Variants in EZH2 observed in about 807,000 individuals in gnomAD.
The protein encoded by EZH2 is histone-lysine N-methyltransferase EZH2.
A neutral mutation model predicts 98.4 loss-of-function variants in EZH2; 18 were observed. The ratio of observed to expected loss-of-function variants is 0.18; its 90% CI spans 0.13 to 0.27. The LOEUF (loss-of-function observed/expected upper bound fraction) is 0.27. EZH2 is among the 10% of genes least tolerant of loss of function. EZH2 has a pLI of 1.00. For synonymous variants in EZH2, 338 were observed against 312.3 expected, an observed-to-expected ratio of 1.08 and a Z score of -0.87; for missense variants, 470 against 935.1, an observed-to-expected ratio of 0.50 and a Z score of 6.49.
intron 10 of EZH2, chr7:148,817,611 G>A: frequency 1.5e-6 from 1 of 661,366 alleles, no homozygotes; most frequent in Non-Finnish European, 2.5e-6. Context: ...CCCTACCTGA[G>A]AAAGATCGAA....
chr7:148,878,111 T>A (rs1454894020), intron 1 of EZH2, among the ~76,000 whole-genome samples: 1 of 152,236 alleles, frequency 6.6e-6, no homozygotes, highest in African/African-American at 2.4e-5. Flanking sequence ...TAGATACAGA[T>A]ACATATCGTG....
At chr7:148,883,837 C>A (rs1821395966) in intron 1 of EZH2, among the ~76,000 whole-genome samples, 1 of 151,888 alleles carries the variant, frequency 6.6e-6, no homozygotes, top group Admixed American at 6.5e-5. Flanking sequence ...ACCGGAACGC[C>A]CCGACCCCGG....
Position 148,856,441 on chromosome 7 carries a change from AG to A in EZH2, c.-7-9137del, listed in dbSNP as rs1816850320. 1.3e-5 allele frequency among the ~76,000 whole-genome samples: 2 copies of A among 152,250 alleles called. 1 individual carries two copies. Among genetic ancestry groups the A allele is most frequent in the South Asian group, 4.1e-4 (2 of 4,832 alleles). On this transcript the variant is annotated intron_variant, in intron 1 of 19. Coordinates refer to ENST00000320356, the MANE Select transcript of EZH2 (RefSeq NM_004456.5). ...GAAACGTAGGTATGTATGCACATGCAGGTTAGCTGAAATACCTGCATTTCCA... is the reference window on the plus strand; with the variant it reads ...GAAACGTAGGTATGTATGCACATGCAGTTAGCTGAAATACCTGCATTTCCA...
rs776089060 is a variant in EZH2 at position 148,834,350 on chromosome 7, TATACAC to T, written c.247-1606_247-1601del. On this transcript the variant is annotated intron_variant, in intron 3 of 19. Coordinates refer to ENST00000320356, the MANE Select transcript of EZH2 (RefSeq NM_004456.5). ...ACTGAAAAATCATTATATATATATA[TATACAC>T]ACACACACACACACACACACACACA... Among the ~76,000 whole-genome samples the T allele has an allele frequency of 2.3e-3, 190 of 82,022 alleles. 2 individuals carry two copies. Among genetic ancestry groups the T allele is most frequent in the African/African-American group, 8.5e-3 (103 of 12,148 alleles). The allele number at this position is 82,022 out of a possible 152,430, so 53.8% of individuals were successfully genotyped here.
intron 1 of EZH2, among the ~76,000 whole-genome samples, chr7:148,851,376 C>G (rs1359352385): frequency 1.3e-5 from 2 of 152,064 alleles, no homozygotes; most frequent in African/African-American, 4.8e-5. Context: ...ATCCATAAAA[C>G]CTACCTCAAA....
chr7:148,813,602 A>G (rs896201670), intron 15 of EZH2, among the ~76,000 whole-genome samples: 1 of 151,748 alleles, frequency 6.6e-6, no homozygotes, highest in Non-Finnish European at 1.5e-5. Flanking sequence ...TTTGATAGAA[A>G]TCACCATTTA....
At chr7:148,836,406 A>G (rs1457549340) in intron 3 of EZH2, among the ~76,000 whole-genome samples, 1 of 152,216 alleles carries the variant, frequency 6.6e-6, no homozygotes, top group African/African-American at 2.4e-5. Flanking sequence ...TGGTGAAAAC[A>G]AACGTGGGAT....
At chr7:148,867,725 T>G (rs1044254338) in intron 1 of EZH2, among the ~76,000 whole-genome samples, 4 of 152,204 alleles carry the variant, frequency 2.6e-5, no homozygotes, top group Admixed American at 2.0e-4. Flanking sequence ...TTTCTAAACT[T>G]TTATGTTCTG....
In EZH2 at chr7:148,819,631, T is replaced by C; in HGVS notation, c.964A>G (p.Asn322Asp). 6.2e-7 allele frequency: 1 copy of C among 1,614,154 alleles called. No individual in the cohort carries two copies. ...KRKNTETALD[N>D]KPCGPQCYQH... ...TAACACTGTGGTCCACAAGGTTTGT[T>C]GTCTAGAGCTGTTTCTGTGTTCTTC... is the stretch of plus-strand genomic sequence containing the variant. The change falls in exon 9 of 20, where the codon AAC (asparagine) becomes GAC (aspartate). Residue 322 changes from asparagine to aspartate, a missense_variant. Coordinates refer to ENST00000320356, the MANE Select transcript of EZH2 (RefSeq NM_004456.5).
chr7:148,815,178 T>C, intron 13 of EZH2, 139 bp from the exon 14 acceptor site: 1 of 1,150,784 alleles, frequency 8.7e-7, no homozygotes, highest in South Asian at 1.6e-5. Context: ...ACATTACACA[T>C]ATTCCGGTTT....
intron 3 of EZH2, among the ~76,000 whole-genome samples, chr7:148,843,598 T>G (rs1004503968): frequency 5.1e-4 from 58 of 113,666 alleles, no homozygotes; most frequent in African/African-American, 1.9e-3. Flanking sequence ...TTTTTTTTTT[T>G]TTTTTTTTTT....
chr7:148,866,079 T>C (rs950979875), intron 1 of EZH2, among the ~76,000 whole-genome samples: 4 of 152,114 alleles, frequency 2.6e-5, no homozygotes, highest in African/African-American at 4.8e-5. Flanking sequence ...TAGGGAAAGA[T>C]AGAGGTAAAC....
At chr7:148,819,239 G>C (rs376660700) in intron 9 of EZH2, among the ~76,000 whole-genome samples, 15 of 152,116 alleles carry the variant, frequency 9.9e-5, no homozygotes, top group African/African-American at 3.4e-4. Flanking sequence ...ATATGGCTAT[G>C]AGAGGGGCTT....
intron 1 of EZH2, 36 bp from the exon 2 acceptor site, chr7:148,847,341 T>C: frequency 1.9e-6 from 3 of 1,609,368 alleles, no homozygotes; most frequent in Non-Finnish European, 2.5e-6. Context: ...ATCACTAATC[T>C]AACCAGCCTG....
rs1292037761 is a variant in EZH2 at position 148,817,937 on chromosome 7, C to A, written c.1180G>T (p.Gly394Trp). The stretch of plus-strand genomic sequence containing the variant: ...TCTTCTTTATCATTGTTCTCTCCCC[C>A]CGTTTCAGTCCCTGCTTCCCTATCA... Reference protein sequence around the residue: ...DSDREAGTETGGENNDKEEEE... With the variant: ...DSDREAGTETWGENNDKEEEE... Residue 394 changes from glycine to tryptophan, a missense_variant, in exon 10 of 20, where the codon GGG becomes TGG. Around this residue, in one of 6 missense-constraint regions of EZH2, gnomAD observed 192 missense variants for 306.8 expected, o/e 0.63. Coordinates refer to ENST00000320356, the MANE Select transcript of EZH2 (RefSeq NM_004456.5). 1 of 1,614,174 alleles carries A rather than the reference C, an allele frequency of 6.2e-7. No homozygotes were observed. Among genetic ancestry groups the A allele is most frequent in the East Asian group, 2.2e-5 (1 of 44,892 alleles).
At chr7:148,836,277 T>C (rs1391592271) in intron 3 of EZH2, among the ~76,000 whole-genome samples, 2 of 152,212 alleles carry the variant, frequency 1.3e-5, no homozygotes, top group South Asian at 2.1e-4. Flanking sequence ...AAACTGATGG[T>C]CTACCCCCAC....
chr7:148,857,672 A>G, intron 1 of EZH2, among the ~76,000 whole-genome samples: 1 of 151,950 alleles, frequency 6.6e-6, no homozygotes. Context: ...AATTGCTTGA[A>G]CCCAGGAGGT....
At chr7:148,871,064 T>C (rs990773095) in intron 1 of EZH2, among the ~76,000 whole-genome samples, 5 of 152,106 alleles carry the variant, frequency 3.3e-5, no homozygotes, top group Admixed American at 3.3e-4. Context: ...TTTCAATAAA[T>C]TCAAAAGTAA....
intron 12 of EZH2, among the ~76,000 whole-genome samples, chr7:148,816,012 C>T (rs1804443596): frequency 6.6e-6 from 1 of 152,200 alleles, no homozygotes; most frequent in Admixed American, 6.5e-5. Flanking sequence ...GTTGGCCCTA[C>T]ACTTATTTTT....
Sources: gnomAD v4.1 joint callset for allele counts (sites outside exome capture counted in the v4.1 genomes callset) on GRCh38, gnomAD v4.1.1 for gene constraint, gnomAD v4.1.1 regional missense constraint, MANE v1.5 for transcripts, NCBI Gene and HGNC (gene_info 2026-07-23, HGNC 2026-07-21) for gene names.